Variants in RARB observed in about 807,000 individuals in gnomAD.
The protein encoded by RARB is retinoic acid receptor beta, also known as HBV-activated protein.
Under a neutral mutation model 51.9 loss-of-function variants are expected in RARB, and 17 were observed. The observed-to-expected ratio is 0.33, with a 90% CI of 0.22 to 0.49. RARB has a LOEUF of 0.49. Ranked by LOEUF, RARB falls within the 20% of genes least tolerant of loss-of-function variation. RARB has a pLI of 0.99. For synonymous variants in RARB, 215 were observed against 195.4 expected (o/e 1.10, Z -0.84); for missense variants, 369 against 550.8 (o/e 0.67, Z 3.30).
chr3:25,247,840 G>T (rs575196704), intron 5 of RARB, among the ~76,000 whole-genome samples: 2 of 152,320 alleles, frequency 1.3e-5, no homozygotes, highest in African/African-American at 2.4e-5. Context: ...TGATTAGAGG[G>T]AATGTGTATA....
intron 4 of RARB, among the ~76,000 whole-genome samples, chr3:25,157,733 A>G (rs1370678669): frequency 6.6e-6 from 1 of 152,142 alleles, no homozygotes; most frequent in Non-Finnish European, 1.5e-5. Context: ...TCTTCTTCAC[A>G]AATTTGTGTG....
chr3:25,037,848 A>G (rs1469717013), intron 2 of RARB, among the ~76,000 whole-genome samples: 1 of 152,208 alleles, frequency 6.6e-6, no homozygotes, highest in African/African-American at 2.4e-5. Context: ...AGCTTGAAGG[A>G]TCTGCAAAGA....
chr3:25,391,482 T>A (rs978135132), intron 5 of RARB, among the ~76,000 whole-genome samples: 1 of 152,176 alleles, frequency 6.6e-6, no homozygotes, highest in Non-Finnish European at 1.5e-5. Context: ...CTGTCTTTCA[T>A]AGTGGTTGTA....
At chr3:24,976,104 C>CT (rs1209909538) in intron 2 of RARB, among the ~76,000 whole-genome samples, 1 of 152,074 alleles carries the variant, frequency 6.6e-6, no homozygotes, top group Non-Finnish European at 1.5e-5. Context: ...TGAACTCATC[C>CT]TTTTTTATGG....
At chr3:25,072,381 T>C (rs1698784718) in intron 3 of RARB, among the ~76,000 whole-genome samples, 1 of 152,124 alleles carries the variant, frequency 6.6e-6, no homozygotes, top group Admixed American at 6.6e-5. Flanking sequence ...GAGAGTTCAC[T>C]CTGTAACCCC....
rs2125434363 is a variant in RARB at position 24,990,734 on chromosome 3, CT to C, written c.-379-69390del. Among the ~76,000 whole-genome samples, 2 of 41,782 alleles carry C rather than the reference CT, an allele frequency of 4.8e-5. 1 individual carries two copies. The highest frequency in any genetic ancestry group is 1.9e-3 in the South Asian group (2 of 1,032). 27.4% of individuals were successfully genotyped at this position (41,782 alleles called of 152,430 possible). ...GTATAGTCCTGCCTCCTCATTATTACTCTTCTTCAAATTTTCTTTTGACTCT... is the reference window on the plus strand; with the variant it reads ...GTATAGTCCTGCCTCCTCATTATTACCTTCTTCAAATTTTCTTTTGACTCT... On this transcript the variant is annotated intron_variant, in intron 2 of 11. Coordinates refer to the RARB transcript ENST00000383772.
chr3:25,543,948 T>C (rs895972302), intron 3 of RARB, among the ~76,000 whole-genome samples: 1 of 152,170 alleles, frequency 6.6e-6, no homozygotes, highest in Non-Finnish European at 1.5e-5. Flanking sequence ...TAAAGAGTAA[T>C]GAAAAATGTG....
At chr3:25,188,254 T>G (rs1034993270) in intron 5 of RARB, among the ~76,000 whole-genome samples, 9 of 152,162 alleles carry the variant, frequency 5.9e-5, no homozygotes, top group Non-Finnish European at 1.3e-4. Flanking sequence ...TTGCTCATCA[T>G]TGAATACTCA....
chr3:25,200,479 G>A (rs1284071071), intron 5 of RARB, among the ~76,000 whole-genome samples: 1 of 152,108 alleles, frequency 6.6e-6, no homozygotes, highest in Non-Finnish European at 1.5e-5. Context: ...GGCTTTTGTT[G>A]CCATTGCTTT....
chr3:25,022,039 G>T (rs1697650251), intron 2 of RARB, among the ~76,000 whole-genome samples: 2 of 152,172 alleles, frequency 1.3e-5, no homozygotes, highest in Non-Finnish European at 2.9e-5. Context: ...ATGAAGCAAT[G>T]ACACAAGTAG....
chr3:25,512,735 C>G (rs922407111), intron 3 of RARB, among the ~76,000 whole-genome samples: 3 of 152,182 alleles, frequency 2.0e-5, no homozygotes, highest in Admixed American at 2.0e-4. Context: ...GTGTGGGTCA[C>G]TCTTGCCTCT....
chr3:25,333,083 T>G (rs935451582), intron 5 of RARB, among the ~76,000 whole-genome samples: 135 of 152,276 alleles, frequency 8.9e-4, no homozygotes, highest in Non-Finnish European at 1.1e-3. Flanking sequence ...ATCAATATCA[T>G]GAAAATGGCC....
chr3:25,083,970 A>C (rs1171312308), intron 3 of RARB, among the ~76,000 whole-genome samples: 1 of 152,152 alleles, frequency 6.6e-6, no homozygotes, highest in Non-Finnish European at 1.5e-5. Context: ...GTTGTCCAGT[A>C]CTGTGTGGCT....
At chr3:25,588,342 A>C (rs1227845125) in intron 5 of RARB, among the ~76,000 whole-genome samples, 1 of 152,234 alleles carries the variant, frequency 6.6e-6, no homozygotes, top group Non-Finnish European at 1.5e-5. Context: ...AATAATGGTT[A>C]CTTCTGAGGA....
chr3:25,205,408 G>A (rs117913571), intron 5 of RARB, among the ~76,000 whole-genome samples: 6 of 152,040 alleles, frequency 3.9e-5, no homozygotes, highest in Admixed American at 6.5e-5. Flanking sequence ...TTTGGCTCAC[G>A]TTCGGTGCGC....
intron 5 of RARB, among the ~76,000 whole-genome samples, chr3:25,421,766 G>T (rs932681711): frequency 6.6e-6 from 1 of 152,054 alleles, no homozygotes; most frequent in Non-Finnish European, 1.5e-5. Context: ...ACTCTTTGAC[G>T]TAGGTACCAT....
At chr3:25,564,017 G>A (rs1476358248) in intron 3 of RARB, among the ~76,000 whole-genome samples, 2 of 148,260 alleles carry the variant, frequency 1.3e-5, no homozygotes, top group East Asian at 4.0e-4. Context: ...CTGAATCCAA[G>A]TGAATCTACA....
intron 2 of RARB, among the ~76,000 whole-genome samples, chr3:25,048,752 C>CTTTT (rs34598308): frequency 0.01 from 1,108 of 108,230 alleles, 38 homozygotes; most frequent in African/African-American, 0.013. Context: ...ATTAAGCCCA[C>CTTTT]TTTTTTTTTT....
intron 1 of RARB, among the ~76,000 whole-genome samples, chr3:24,830,977 G>T (rs1306363394): frequency 2.6e-5 from 4 of 152,068 alleles, no homozygotes; most frequent in Non-Finnish European, 4.4e-5. Flanking sequence ...TTTAATAAAG[G>T]TATCTTATCG....
Sources: gnomAD v4.1 joint callset for allele counts (sites outside exome capture counted in the v4.1 genomes callset) on GRCh38, gnomAD v4.1.1 for gene constraint, MANE v1.5 for transcripts, NCBI Gene and HGNC (gene_info 2026-07-23, HGNC 2026-07-21) for gene names.